ALK: variants seen among roughly 807,000 people sequenced by gnomAD.
ALK encodes ALK tyrosine kinase receptor.
Under a neutral mutation model 163.1 loss-of-function variants are expected in ALK, and 74 were observed. That is an observed-to-expected ratio of 0.45 (90% CI 0.38 to 0.55). ALK has a LOEUF of 0.55. Among genes scored for constraint, ALK ranks in the 20% least tolerant of loss-of-function variants. The pLI is 0.00. For missense variants in ALK, 2,063 were observed against 2,105.3 expected (o/e 0.98, Z 0.39); for synonymous variants, 960 against 843.2 (o/e 1.14, Z -2.40).
At chr2:29,282,361 C>A (rs1259079815) in intron 9 of ALK, among the ~76,000 whole-genome samples, 1 of 152,190 alleles carries the variant, frequency 6.6e-6, no homozygotes, top group Admixed American at 6.5e-5. Context: ...CTCCTATTAT[C>A]TGTATAATGG....
chr2:29,621,111 T>A (rs1026519085), intron 3 of ALK, among the ~76,000 whole-genome samples: 3 of 152,056 alleles, frequency 2.0e-5, no homozygotes, highest in Non-Finnish European at 2.9e-5. Context: ...GGGGGAGAGA[T>A]TCACAGGCAG....
chr2:29,303,038 A>G (rs1282896619), intron 8 of ALK, among the ~76,000 whole-genome samples: 2 of 152,228 alleles, frequency 1.3e-5, no homozygotes, highest in Admixed American at 1.3e-4. Context: ...CTAACTAAAG[A>G]GCTTCTGCAC....
intron 26 of ALK, among the ~76,000 whole-genome samples, chr2:29,198,952 AGTT>A (rs1247540233): frequency 7.1e-6 from 1 of 140,694 alleles, no homozygotes; most frequent in African/African-American, 2.8e-5. Flanking sequence ...TACTTTTATT[AGTT>A]GTTTTCTTTT....
In ALK at chr2:29,193,384, T is replaced by G. The variant is rs763613910; in HGVS notation, c.4703A>C (p.Glu1568Ala). The G allele has an allele frequency of 7.4e-5, 119 of 1,614,104 alleles. No individual in the cohort carries two copies. Among genetic ancestry groups the G allele is most frequent in the Non-Finnish European group, 9.7e-5 (114 of 1,180,044 alleles). The change falls in exon 29 of 29, where the codon GAG becomes GCG. Residue 1568 changes from glutamate to alanine, a missense_variant. Transcript: ENST00000389048. Reference sequence around the variant, plus strand: ...GTGACGTAGCCTGAACAGAGGTACCTCCTTCATATTGGCAGTCAGCGAAGA... The same window carrying G: ...GTGACGTAGCCTGAACAGAGGTACCGCCTTCATATTGGCAGTCAGCGAAGA... ...EPSSLTANMK[E>A]VPLFRLRHFP...
At chr2:29,525,791 CAAAAAAAAAAAA>C (rs61519081) in intron 4 of ALK, among the ~76,000 whole-genome samples, 1 of 69,182 alleles carries the variant, frequency 1.4e-5, no homozygotes, top group Non-Finnish European at 2.8e-5. Context: ...GACTCCATCT[CAAAAAAAAAAAA>C]AAAAAAAAAA....
chr2:29,200,919 C>T (rs1322701336), intron 26 of ALK, among the ~76,000 whole-genome samples: 2 of 150,062 alleles, frequency 1.3e-5, no homozygotes, highest in African/African-American at 4.9e-5. Flanking sequence ...CTTGCTCTGC[C>T]TGGAATGATT....
Position 29,633,398 on chromosome 2 carries a change from G to T in ALK, c.952+61452C>A, listed in dbSNP as rs139357374. On this transcript the variant is annotated intron_variant, in intron 3 of 28. Transcript: ENST00000389048. ...AAACACATTGAACTAGATTAAAATC[G>T]AAATTTGTGGGACACAGTTAAGGCA... Among the ~76,000 whole-genome samples, 629 of 152,142 alleles carry T rather than the reference G, an allele frequency of 4.1e-3. 7 individuals carry two copies. The highest frequency in any genetic ancestry group is 0.015 in the African/African-American group (607 of 41,512).
At chr2:29,768,897 A>T (rs952609070) in intron 1 of ALK, among the ~76,000 whole-genome samples, 2 of 152,022 alleles carry the variant, frequency 1.3e-5, no homozygotes, top group African/African-American at 2.4e-5. Context: ...GCAGGAGCAC[A>T]ATCACAGCTC....
chr2:29,490,886 C>T (rs1428246527), intron 4 of ALK, among the ~76,000 whole-genome samples: 2 of 152,172 alleles, frequency 1.3e-5, no homozygotes, highest in Non-Finnish European at 2.9e-5. Context: ...AAGATGTCTG[C>T]AACAGCTGTC....
chr2:29,760,081 A>T (rs188061725), intron 1 of ALK, among the ~76,000 whole-genome samples: 13 of 152,278 alleles, frequency 8.5e-5, no homozygotes, highest in African/African-American at 3.1e-4. Flanking sequence ...ACTAAGCTAC[A>T]AGTACTTTAC....
At chr2:29,223,273 C>T (rs745613905) in intron 20 of ALK, 69 bp downstream of exon 20, 431 of 1,551,162 alleles carry the variant, frequency 2.8e-4, no homozygotes, top group Non-Finnish European at 3.6e-4. Context: ...GAGGAGTCTG[C>T]GGTGCTGTGA....
intron 1 of ALK, among the ~76,000 whole-genome samples, chr2:29,728,926 C>T (rs1430740371): frequency 6.6e-6 from 1 of 152,166 alleles, no homozygotes. Context: ...ATGCCTGCTG[C>T]CTTCTCCTGA....
At chr2:29,210,493 T>C (rs1302801601) in intron 24 of ALK, among the ~76,000 whole-genome samples, 2 of 152,128 alleles carry the variant, frequency 1.3e-5, no homozygotes, top group East Asian at 1.9e-4. Flanking sequence ...AGTGCAGTGG[T>C]GCGATCTTGG....
intron 3 of ALK, among the ~76,000 whole-genome samples, chr2:29,568,694 G>C (rs899137180): frequency 6.6e-6 from 1 of 152,288 alleles, no homozygotes; most frequent in East Asian, 1.9e-4. Context: ...CATGGGTGTG[G>C]GTTCGGTTAG....
At chr2:29,760,132 G>T (rs1680658371) in intron 1 of ALK, among the ~76,000 whole-genome samples, 1 of 152,076 alleles carries the variant, frequency 6.6e-6, no homozygotes, top group Non-Finnish European at 1.5e-5. Flanking sequence ...CAGACAAGAT[G>T]CTTGGCAACA....
rs778371605 is a variant in ALK at position 29,193,183 on chromosome 2, C to A, written c.*41G>T. 3.1e-6 allele frequency: 5 copies of A among 1,598,430 alleles called. No individual in the cohort carries two copies. In the South Asian group the frequency reaches 5.5e-5, roughly 18 times the overall value. ...CCATTGCCTCTCTCTCCTCCACGGT[C>A]TTAGGGATCCCAAGGAAGAGAAGTG... On this transcript the variant is annotated 3_prime_UTR_variant, in exon 29 of 29. Transcript: ENST00000389048.
At chr2:29,228,460 C>A (rs573500392) in intron 16 of ALK, among the ~76,000 whole-genome samples, 3 of 152,248 alleles carry the variant, frequency 2.0e-5, no homozygotes, top group African/African-American at 7.2e-5. Flanking sequence ...GCAGGCACAG[C>A]GGCGCCTTTC....
chr2:29,791,279 A>G (rs923023282), intron 1 of ALK, among the ~76,000 whole-genome samples: 23 of 152,198 alleles, frequency 1.5e-4, no homozygotes, highest in Non-Finnish European at 2.9e-5. Flanking sequence ...GCACATATAC[A>G]CCATGGAATA....
At chr2:29,792,486 T>C (rs866574282) in intron 1 of ALK, among the ~76,000 whole-genome samples, 3 of 152,048 alleles carry the variant, frequency 2.0e-5, no homozygotes, top group Non-Finnish European at 4.4e-5. Flanking sequence ...ATAAAGTAAG[T>C]GTAAGAAAAA....
Sources: gnomAD v4.1 joint callset for allele counts (sites outside exome capture counted in the v4.1 genomes callset) on GRCh38, gnomAD v4.1.1 for gene constraint, MANE v1.5 for transcripts, NCBI Gene and HGNC (gene_info 2026-07-23, HGNC 2026-07-21) for gene names.